The following POLR3G variants were observed in gnomAD, a reference collection of about 807,000 sequenced individuals.
POLR3G encodes RNA polymerase III subunit G.
Under a neutral mutation model 30.1 loss-of-function variants are expected in POLR3G, and 28 were observed. The observed-to-expected ratio is 0.93, with a 90% CI of 0.69 to 1.27. POLR3G has a LOEUF of 1.27. Among genes scored for constraint, POLR3G ranks in the 50% most tolerant of loss-of-function variants. The pLI, the probability that POLR3G is intolerant of heterozygous loss-of-function variation, is 0.00. For missense variants in POLR3G, 254 were observed against 264.6 expected (o/e 0.96, Z 0.28); for synonymous variants, 79 against 82.5 (o/e 0.96, Z 0.23).
intron 2 of POLR3G, among the ~76,000 whole-genome samples, chr5:90,487,299 C>G (rs1751488159): frequency 6.8e-6 from 1 of 147,186 alleles, no homozygotes; most frequent in Non-Finnish European, 1.5e-5. Flanking sequence ...AATACCACCA[C>G]TAGCTGAGGT....
intron 3 of POLR3G, among the ~76,000 whole-genome samples, chr5:90,489,934 CTG>C (rs1460908309): frequency 6.6e-6 from 1 of 151,984 alleles, no homozygotes; most frequent in Non-Finnish European, 1.5e-5. Flanking sequence ...TGGGAAAACC[CTG>C]TCTCTATTAA....
chr5:90,482,267 C>A (rs1751159970), intron 1 of POLR3G, among the ~76,000 whole-genome samples: 1 of 152,128 alleles, frequency 6.6e-6, no homozygotes, highest in African/African-American at 2.4e-5. Flanking sequence ...AGATATCAGA[C>A]CTAATTGATC....
At chr5:90,478,566 G>GTTTTTTTTTTTTTTTTT (rs1561245449) in intron 1 of POLR3G, among the ~76,000 whole-genome samples, 3 of 31,040 alleles carry the variant, frequency 9.7e-5, no homozygotes, top group Admixed American at 3.6e-4. Context: ...AATCTGCGTG[G>GTTTTTTTTTTTTTTTTT]TTCTTTTTTT....
chr5:90,496,294 G>A (rs1397811477), intron 4 of POLR3G, among the ~76,000 whole-genome samples: 2 of 152,110 alleles, frequency 1.3e-5, no homozygotes, highest in Non-Finnish European at 2.9e-5. Context: ...TACAAAAATA[G>A]GACAGGCCAA....
intron 6 of POLR3G, among the ~76,000 whole-genome samples, chr5:90,503,190 G>C (rs1174098769): frequency 6.6e-6 from 1 of 152,188 alleles, no homozygotes; most frequent in African/African-American, 2.4e-5. Context: ...ATGTCCATAA[G>C]AGTTCATAAC....
At chr5:90,474,242 G>A (rs748785357), upstream of POLR3G, 2 of 1,613,630 alleles carry the variant, frequency 1.2e-6, no homozygotes, top group Non-Finnish European at 1.7e-6. Flanking sequence ...CTTGAATCCA[G>A]AAGATACCAT....
intron 6 of POLR3G, among the ~76,000 whole-genome samples, chr5:90,503,095 G>GTGA (rs1030999472): frequency 1.3e-5 from 2 of 152,048 alleles, no homozygotes; most frequent in African/African-American, 2.4e-5. Flanking sequence ...TCTTGCCTTG[G>GTGA]TGATGATGAT....
intron 6 of POLR3G, among the ~76,000 whole-genome samples, chr5:90,505,164 C>A (rs1463913427): frequency 6.6e-6 from 1 of 152,244 alleles, no homozygotes; most frequent in African/African-American, 2.4e-5. Flanking sequence ...GTAGTTACTC[C>A]AGATATAAAA....
rs1432516958 is a variant in POLR3G at position 90,489,093 on chromosome 5, A to G, written c.247+964A>G. On this transcript the variant is annotated intron_variant, in intron 3 of 7. Coordinates refer to ENST00000651687, the MANE Select transcript of POLR3G (RefSeq NM_006467.3). The stretch of plus-strand genomic sequence containing the variant: ...ATTCCATTTTTCCTCTCTCTCTAGA[A>G]TAGTTTGAATTGGCTGAGTCAAAAA... Among the ~76,000 whole-genome samples the G allele has an allele frequency of 2.0e-5, 3 of 152,166 alleles. No individual in the cohort carries two copies. In the East Asian group the frequency reaches 5.8e-4, roughly 29 times the overall value.
At chr5:90,510,603 T>A (rs1752693929) in intron 7 of POLR3G, among the ~76,000 whole-genome samples, 1 of 152,058 alleles carries the variant, frequency 6.6e-6, no homozygotes, top group African/African-American at 2.4e-5. Context: ...GAGACCTCAT[T>A]TGAACTCTCA....
intron 3 of POLR3G, among the ~76,000 whole-genome samples, chr5:90,489,097 T>A (rs987182793): frequency 3.8e-4 from 58 of 152,168 alleles, no homozygotes; most frequent in African/African-American, 1.3e-3. Context: ...TCTAGAATAG[T>A]TTGAATTGGC....
At chr5:90,483,556 G>A (rs556638939) in intron 1 of POLR3G, among the ~76,000 whole-genome samples, 1 of 152,112 alleles carries the variant, frequency 6.6e-6, no homozygotes, top group Non-Finnish European at 1.5e-5. Flanking sequence ...TATAATCCTA[G>A]CACTTTGGAA....
chr5:90,478,462 C>T (rs912992915), intron 1 of POLR3G, among the ~76,000 whole-genome samples: 2 of 151,732 alleles, frequency 1.3e-5, no homozygotes, highest in African/African-American at 4.8e-5. Flanking sequence ...AAAGGTAAAG[C>T]AGTCCTGCTT....
At chr5:90,497,600 A>C (rs1169976250) in intron 4 of POLR3G, 56 bp from the exon 5 acceptor site, 2 of 1,556,006 alleles carry the variant, frequency 1.3e-6, no homozygotes, top group African/African-American at 2.8e-5. Flanking sequence ...AGTTATGTTC[A>C]ATGCCACAAA....
chr5:90,494,841 G>A (rs1561253552), intron 3 of POLR3G, among the ~76,000 whole-genome samples: 2 of 152,032 alleles, frequency 1.3e-5, no homozygotes, highest in Admixed American at 1.3e-4. Context: ...TATAAAAAGT[G>A]GTCTACTGTA....
chr5:90,482,858 T>C (rs1179602314), intron 1 of POLR3G, among the ~76,000 whole-genome samples: 3 of 152,170 alleles, frequency 2.0e-5, no homozygotes, highest in African/African-American at 7.2e-5. Flanking sequence ...CTCTGATCTC[T>C]GGCTGGGCGC....
In POLR3G at chr5:90,479,268, T is replaced by G. The variant is rs374540340; in HGVS notation, c.-44+4248T>G. ...AGGCACATCACCTAAGGTCAGAAGTTCAAGACCAGCCTTGCCAACATGGTG... is the reference window on the plus strand; with the variant it reads ...AGGCACATCACCTAAGGTCAGAAGTGCAAGACCAGCCTTGCCAACATGGTG... On this transcript the variant is annotated intron_variant, in intron 1 of 7. Coordinates refer to ENST00000651687, the MANE Select transcript of POLR3G (RefSeq NM_006467.3). Among the ~76,000 whole-genome samples the G allele has an allele frequency of 1.4e-4, 21 of 152,138 alleles. No homozygotes were observed. In the East Asian group the frequency reaches 2.9e-3, roughly 21 times the overall value.
At chr5:90,474,570 G>T, upstream of POLR3G, 2 of 480,678 alleles carry the variant, frequency 4.2e-6, no homozygotes, top group Non-Finnish European at 7.5e-6. Context: ...CCGCAGCCTC[G>T]GCAGCCGCAC....
chr5:90,484,623 G>A (rs1467030977), intron 1 of POLR3G, among the ~76,000 whole-genome samples: 1 of 152,136 alleles, frequency 6.6e-6, no homozygotes, highest in Non-Finnish European at 1.5e-5. Context: ...GCATAATTTT[G>A]CAAGGAGGGC....
Sources: gnomAD v4.1 joint callset for allele counts (sites outside exome capture counted in the v4.1 genomes callset) on GRCh38, gnomAD v4.1.1 for gene constraint, MANE v1.5 for transcripts, NCBI Gene and HGNC (gene_info 2026-07-23, HGNC 2026-07-21) for gene names.